Variants in SLC25A17 observed in about 807,000 individuals in gnomAD.
SLC25A17 encodes peroxisomal membrane protein PMP34.
Under a neutral mutation model 38.5 loss-of-function variants are expected in SLC25A17, and 26 were observed. The ratio of observed to expected loss-of-function variants is 0.68; its 90% CI spans 0.50 to 0.94. The LOEUF (loss-of-function observed/expected upper bound fraction) is 0.94. Among genes scored for constraint, SLC25A17 ranks in the 40% least tolerant of loss-of-function variants. SLC25A17 has a pLI of 0.00. For missense variants in SLC25A17, 333 were observed against 372.7 expected (o/e 0.89, Z 0.88); for synonymous variants, 139 against 136.2 (o/e 1.02, Z -0.14).
chr22:40,817,467 A>C (rs963462588), intron 1 of SLC25A17: 3 of 152,274 alleles, frequency 2.0e-5, no homozygotes, highest in African/African-American at 7.2e-5. Context: ...ACTCTTAGGC[A>C]TTTCAAACTC....
chr22:40,805,006 AAG>A (rs2057517263), intron 1 of SLC25A17, among the ~76,000 whole-genome samples: 1 of 152,100 alleles, frequency 6.6e-6, no homozygotes, highest in Non-Finnish European at 1.5e-5. Context: ...GAAAGAAAGA[AAG>A]AAAAAGAAAA....
chr22:40,818,961 GCT>G (rs1171154858), intron 1 of SLC25A17, among the ~76,000 whole-genome samples: 1 of 152,114 alleles, frequency 6.6e-6, no homozygotes, highest in Non-Finnish European at 1.5e-5. Context: ...TGTGAACACG[GCT>G]CTCTACCCCG....
intron 4 of SLC25A17, among the ~76,000 whole-genome samples, chr22:40,790,866 A>T (rs551401893): frequency 5.3e-5 from 8 of 152,350 alleles, no homozygotes; most frequent in Non-Finnish European, 1.2e-4. Flanking sequence ...AACTGGTCTC[A>T]AGTATAGAAG....
At chr22:40,778,247 G>A (rs2057264080) in intron 5 of SLC25A17, among the ~76,000 whole-genome samples, 1 of 152,174 alleles carries the variant, frequency 6.6e-6, no homozygotes, top group Non-Finnish European at 1.5e-5. Context: ...CCCTCCCATT[G>A]ATACTCTTTG....
chr22:40,793,854 G>T (rs961159076), intron 3 of SLC25A17, among the ~76,000 whole-genome samples: 4 of 152,048 alleles, frequency 2.6e-5, no homozygotes, highest in African/African-American at 9.7e-5. Context: ...CAGGTGATCC[G>T]CCTGCCTCGG....
rs559879286 is a variant in SLC25A17, at chr22:40,801,506, G to C, written c.55-2423C>G. 3.3e-5 allele frequency among the ~76,000 whole-genome samples: 5 copies of C among 151,868 alleles called. 1 individual carries two copies. Among genetic ancestry groups the C allele is most frequent in the African/African-American group, 1.2e-4 (5 of 41,396 alleles). On this transcript the variant is annotated intron_variant, in intron 1 of 8. Transcript: ENST00000435456. ...ATTCACTGTACTTTCACTTATTTAT[G>C]CTTTTTTGATGACCCCAACATAACT...
chr22:40,794,686 C>A, intron 2 of SLC25A17, 106 bp from the exon 3 acceptor site: 1 of 491,918 alleles, frequency 2.0e-6, no homozygotes, highest in Non-Finnish European at 3.6e-6. Flanking sequence ...GTGGCGTGAT[C>A]TCAGCTCACT....
chr22:40,814,867 TG>T, intron 1 of SLC25A17, among the ~76,000 whole-genome samples: 1 of 151,646 alleles, frequency 6.6e-6, no homozygotes, highest in Non-Finnish European at 1.5e-5. Context: ...TCGTCCAGGC[TG>T]GAGTGCAGTG....
At chr22:40,790,479 T>C (rs542358211) in intron 4 of SLC25A17, among the ~76,000 whole-genome samples, 54 of 148,834 alleles carry the variant, frequency 3.6e-4, no homozygotes, top group African/African-American at 1.3e-3. Flanking sequence ...AAGAAAAAAA[T>C]TGTTCATGAG....
chr22:40,805,444 G>C (rs2057521580), intron 1 of SLC25A17, among the ~76,000 whole-genome samples: 1 of 152,168 alleles, frequency 6.6e-6, no homozygotes, highest in South Asian at 2.1e-4. Flanking sequence ...CTTTGAAGAT[G>C]GGATAAAAAG....
At chr22:40,797,921 C>G (rs1487163846) in intron 2 of SLC25A17, 1 of 154,370 alleles carries the variant, frequency 6.5e-6, no homozygotes, top group Non-Finnish European at 1.4e-5. Flanking sequence ...CCATGGGCAC[C>G]TCTGGCTTTC....
chr22:40,809,999 G>GT (rs967648595), intron 1 of SLC25A17, among the ~76,000 whole-genome samples: 16 of 151,952 alleles, frequency 1.1e-4, no homozygotes, highest in Non-Finnish European at 1.9e-4. Flanking sequence ...ATTTATTAGG[G>GT]TTTTTTTAAA....
At chr22:40,775,280 T>C (rs1214829448) in intron 7 of SLC25A17, among the ~76,000 whole-genome samples, 1 of 152,076 alleles carries the variant, frequency 6.6e-6, no homozygotes, top group Non-Finnish European at 1.5e-5. Flanking sequence ...TCTTAGTACA[T>C]TGATATGGTT....
At chr22:40,781,539 C>G (rs2057294982) in intron 4 of SLC25A17, among the ~76,000 whole-genome samples, 1 of 152,082 alleles carries the variant, frequency 6.6e-6, no homozygotes, top group Non-Finnish European at 1.5e-5. Context: ...GCCACCGCAC[C>G]CGGCCTAAAA....
At chr22:40,802,908 T>C (rs550262432) in intron 1 of SLC25A17, among the ~76,000 whole-genome samples, 1 of 152,324 alleles carries the variant, frequency 6.6e-6, no homozygotes, top group African/African-American at 2.4e-5. Context: ...GTAATAATTG[T>C]ACATGTTTAT....
chr22:40,803,969 C>T (rs772088763), intron 1 of SLC25A17, among the ~76,000 whole-genome samples: 4 of 151,880 alleles, frequency 2.6e-5, no homozygotes, highest in Admixed American at 6.6e-5. Context: ...TTCCCATAAA[C>T]GAGAAAATAG....
At chr22:40,795,977 C>G (rs1175256068) in intron 2 of SLC25A17, among the ~76,000 whole-genome samples, 2 of 151,744 alleles carry the variant, frequency 1.3e-5, no homozygotes, top group African/African-American at 4.8e-5. Flanking sequence ...TTAGTAGAGA[C>G]AGGGTTTTAC....
intron 3 of SLC25A17, 22 bp downstream of exon 3, chr22:40,794,492 G>A: frequency 6.6e-7 from 1 of 1,521,372 alleles, no homozygotes; most frequent in Non-Finnish European, 9.1e-7. Context: ...CTTTAACGAA[G>A]GTGAACTGAG....
At position 40,794,582 on chromosome 22, in the gene SLC25A17, T is replaced by C; in HGVS notation, c.116-2A>G. On this transcript the variant is annotated splice_acceptor_variant, in intron 2 of 8. Transcript: ENST00000435456. LOFTEE classifies it high-confidence loss of function. Reference sequence around the variant, plus strand: ...TTTTGGATTTTCTTTTCTCATCAACTACAAGACCAAACAGTGCATGTTTAT... The same window carrying C: ...TTTTGGATTTTCTTTTCTCATCAACCACAAGACCAAACAGTGCATGTTTAT... 1 of 1,601,604 alleles carries C rather than the reference T, an allele frequency of 6.2e-7. No individual in the cohort carries two copies. The highest frequency in any genetic ancestry group is 8.6e-7 in the Non-Finnish European group (1 of 1,169,214).
Sources: allele counts gnomAD v4.1 joint callset (sites outside exome capture counted in the v4.1 genomes callset), GRCh38; gene constraint gnomAD v4.1.1; transcripts MANE v1.5; gene names NCBI Gene and HGNC (gene_info 2026-07-23, HGNC 2026-07-21).